KIF26B: variants seen among roughly 807,000 people sequenced by gnomAD.
The protein encoded by KIF26B is kinesin-like protein KIF26B.
Under a neutral mutation model 151.2 loss-of-function variants are expected in KIF26B, and 63 were observed. The ratio of observed to expected loss-of-function variants is 0.42; its 90% confidence interval spans 0.34 to 0.51. KIF26B has a LOEUF of 0.51. Among genes scored for constraint, KIF26B ranks in the 20% least tolerant of loss-of-function variants. KIF26B has a pLI of 0.07. For missense variants in KIF26B, 2,813 were observed against 2,913.6 expected, an observed-to-expected ratio of 0.97 and a Z score of 0.79; for synonymous variants, 1,357 against 1,262.1, an observed-to-expected ratio of 1.08 and a Z score of -1.59.
chr1:245,386,394 C>T (rs1023650257), intron 3 of KIF26B, among the ~76,000 whole-genome samples: 11 of 150,640 alleles, frequency 7.3e-5, no homozygotes, highest in African/African-American at 2.4e-4. Flanking sequence ...ACCTTTTGAG[C>T]CCAGTGACTC....
intron 2 of KIF26B, among the ~76,000 whole-genome samples, chr1:245,305,475 A>G (rs943403843): frequency 6.6e-6 from 1 of 152,240 alleles, no homozygotes; most frequent in Non-Finnish European, 1.5e-5. Context: ...CAGATGGCCA[A>G]TAAACACATG....
chr1:245,486,048 T>C (rs1054750384), intron 4 of KIF26B, among the ~76,000 whole-genome samples: 1 of 152,246 alleles, frequency 6.6e-6, no homozygotes, highest in African/African-American at 2.4e-5. Flanking sequence ...ACCTGACCTT[T>C]CCTAAAGGAG....
intron 2 of KIF26B, among the ~76,000 whole-genome samples, chr1:245,294,017 C>A (rs73130809): frequency 1.3e-5 from 2 of 152,078 alleles, no homozygotes; most frequent in Non-Finnish European, 2.9e-5. Flanking sequence ...GGGCAGAATC[C>A]GGGTGAGAAA....
chr1:245,397,794 T>C (rs1047334892), intron 3 of KIF26B, among the ~76,000 whole-genome samples: 2 of 152,194 alleles, frequency 1.3e-5, no homozygotes. Context: ...GGACATGATT[T>C]TTATTGCTCC....
intron 4 of KIF26B, among the ~76,000 whole-genome samples, chr1:245,436,500 G>A (rs942240506): frequency 2.6e-5 from 4 of 152,228 alleles, no homozygotes; most frequent in African/African-American, 9.6e-5. Context: ...ATGTGATCGT[G>A]GGGGTTGGCA....
chr1:245,261,467 TTCTCTCTCTCTCTC>T (rs376897211), intron 2 of KIF26B, among the ~76,000 whole-genome samples: 2,216 of 112,176 alleles, frequency 0.02, 53 homozygotes, highest in African/African-American at 0.055. Context: ...TTTTCTTTCT[TTCTCTCTCTCTCTC>T]TCTCTCTCTC....
At chr1:245,355,819 G>A (rs1672684153) in intron 2 of KIF26B, among the ~76,000 whole-genome samples, 1 of 152,148 alleles carries the variant, frequency 6.6e-6, no homozygotes, top group South Asian at 2.1e-4. Context: ...TTCACTGGGT[G>A]GAGGGTAGAG....
intron 4 of KIF26B, among the ~76,000 whole-genome samples, chr1:245,452,691 C>G (rs1334696207): frequency 6.6e-6 from 1 of 152,036 alleles, no homozygotes; most frequent in Non-Finnish European, 1.5e-5. Context: ...TCCCTAGTGA[C>G]TAAGAGATGA....
At chr1:245,334,354 A>G (rs1218368761) in intron 2 of KIF26B, among the ~76,000 whole-genome samples, 1 of 152,226 alleles carries the variant, frequency 6.6e-6, no homozygotes, top group Non-Finnish European at 1.5e-5. Flanking sequence ...AACTCTGTTC[A>G]GTCCTTGTAT....
chr1:245,582,957 TC>T (rs2043190465), intron 5 of KIF26B, among the ~76,000 whole-genome samples: 1 of 151,554 alleles, frequency 6.6e-6, no homozygotes, highest in Admixed American at 6.6e-5. Flanking sequence ...AACAACTCCA[TC>T]CCCCACTCTC....
Position 245,698,450 on chromosome 1 carries a change from G to A in KIF26B, c.6027+142G>A. 1 of 717,718 alleles carries A rather than the reference G, an allele frequency of 1.4e-6. No individual in the cohort carries two copies. The highest frequency in any genetic ancestry group is 2.3e-6 in the Non-Finnish European group (1 of 439,366). The allele number at this position is 717,718 out of a possible 1,614,324, so 44.5% of individuals were successfully genotyped here. A position where few individuals can be genotyped will look rare whatever the true frequency, so the allele number is the denominator to read the frequency against. On this transcript the variant is annotated intron_variant, in intron 13 of 14. Coordinates refer to ENST00000407071, the MANE Select transcript of KIF26B (RefSeq NM_018012.4). This position sits in a 1 kb window ranked among gnomAD's most constrained non-coding sequence, Gnocchi z 4.0. Reference sequence around the variant, plus strand: ...TTCTGGCATGGGTGGTGGGAAGGGGGCTTCTGTCCCAGCAAAGGGCCTTTG... The same window carrying A: ...TTCTGGCATGGGTGGTGGGAAGGGGACTTCTGTCCCAGCAAAGGGCCTTTG...
intron 2 of KIF26B, among the ~76,000 whole-genome samples, chr1:245,321,949 C>T (rs909135438): frequency 7.9e-5 from 12 of 152,136 alleles, no homozygotes; most frequent in African/African-American, 2.4e-4. Context: ...CAAGAAAGTA[C>T]GTTGAGATCT....
chr1:245,591,110 AATT>A (rs2043285242), intron 5 of KIF26B, among the ~76,000 whole-genome samples: 1 of 151,970 alleles, frequency 6.6e-6, no homozygotes, highest in Non-Finnish European at 1.5e-5. Context: ...ATATGTTGGC[AATT>A]ATTATTTATT....
intron 4 of KIF26B, among the ~76,000 whole-genome samples, chr1:245,537,771 T>C (rs778532281): frequency 2.0e-5 from 3 of 152,082 alleles, no homozygotes; most frequent in Admixed American, 6.6e-5. Flanking sequence ...AGGACTTCAG[T>C]TTTAGGGTTG....
Position 245,564,385 on chromosome 1 carries a change from C to CTAACT in KIF26B, c.1350+23435_1350+23436insTAACT. ...ACGGAGACCTTTCCCGGAGCAGGAA[C>CTAACT]GGGGCCACGGCCGTGTTTGCATTTT... On this transcript the variant is annotated intron_variant, in intron 5 of 14. Transcript: ENST00000407071. This position sits in a 1 kb window ranked among gnomAD's most constrained non-coding sequence, Gnocchi z 4.6. Among the ~76,000 whole-genome samples, 1 of 152,098 alleles carries CTAACT rather than the reference C, an allele frequency of 6.6e-6. No homozygotes were observed. Among genetic ancestry groups the CTAACT allele is most frequent in the East Asian group, 1.9e-4 (1 of 5,184 alleles).
chr1:245,547,494 G>A (rs2793053), intron 5 of KIF26B, among the ~76,000 whole-genome samples: 54,736 of 150,828 alleles, frequency 0.36, 10,127 homozygotes, highest in Middle Eastern at 0.41. Flanking sequence ...GCTGAGGCAG[G>A]AGGATCACTT....
chr1:245,215,086 A>G (rs1669617643), intron 2 of KIF26B, among the ~76,000 whole-genome samples: 2 of 151,942 alleles, frequency 1.3e-5, no homozygotes, highest in African/African-American at 4.8e-5. Flanking sequence ...TTCTCTTCCA[A>G]AGTTTCTCTG....
intron 2 of KIF26B, among the ~76,000 whole-genome samples, chr1:245,182,582 A>G (rs1211102029): frequency 6.6e-6 from 1 of 152,182 alleles, no homozygotes; most frequent in Non-Finnish European, 1.5e-5. Context: ...TCTTATGGAT[A>G]GATGCCTAGG....
chr1:245,530,945 G>A (rs951220579), intron 4 of KIF26B, among the ~76,000 whole-genome samples: 2 of 152,148 alleles, frequency 1.3e-5, no homozygotes, highest in Admixed American at 6.5e-5. Flanking sequence ...ACTGAGATTC[G>A]TTTTAAGCAG....
Sources: gnomAD v4.1 joint callset for allele counts (sites outside exome capture counted in the v4.1 genomes callset) on GRCh38, gnomAD v4.1.1 for gene constraint, Gnocchi (gnomAD v3.1) non-coding constraint, MANE v1.5 for transcripts, NCBI Gene and HGNC (gene_info 2026-07-23, HGNC 2026-07-21) for gene names.